The following LRRC28 variants were observed in gnomAD, a reference collection of about 807,000 sequenced individuals.
LRRC28 encodes leucine rich repeat containing 28, also known as leucine-rich repeat-containing protein 28.
LRRC28 carries 39 observed loss-of-function variants against 45.7 expected under a neutral mutation model. The ratio of observed to expected loss-of-function variants is 0.85; its 90% confidence interval spans 0.66 to 1.12. LRRC28 has a LOEUF of 1.12. Among genes scored for constraint, LRRC28 ranks in the 50% most tolerant of loss-of-function variants. LRRC28 has a pLI of 0.00. For synonymous variants in LRRC28, 206 were observed against 178.8 expected (o/e 1.15, Z -1.22); for missense variants, 435 against 438.5 (o/e 0.99, Z 0.07).
At chr15:99,378,240 C>T (rs1337998126) in intron 9 of LRRC28, among the ~76,000 whole-genome samples, 1 of 152,146 alleles carries the variant, frequency 6.6e-6, no homozygotes, top group Non-Finnish European at 1.5e-5. Context: ...TTGTAGTTCT[C>T]CTTGAAGAGG....
Position 99,389,274 on chromosome 15 carries a change from T to C in LRRC28, c.*3172T>C, listed in dbSNP as rs1257594761. 2 of 152,188 alleles carry C rather than the reference T, an allele frequency of 1.3e-5. No homozygotes were observed. The highest frequency in any genetic ancestry group is 2.9e-5 in the Non-Finnish European group (2 of 68,032). The allele number at this position is 152,188 out of a possible 1,614,324, so 9.4% of individuals were successfully genotyped here. On this transcript the variant is annotated 3_prime_UTR_variant, in exon 10 of 10. Transcript: ENST00000301981. ...TCTGTTTTACGTTGAGCATTACGAA[T>C]TAAAATCTTTACAGTCTAGGGGGAA...
chr15:99,317,085 G>A (rs192891613), intron 5 of LRRC28, among the ~76,000 whole-genome samples: 160 of 151,642 alleles, frequency 1.1e-3, no homozygotes, highest in Non-Finnish European at 1.9e-3. Flanking sequence ...TAAATGTTGC[G>A]TGTACGCAAG....
chr15:99,263,685 G>A (rs1168227843), intron 2 of LRRC28, among the ~76,000 whole-genome samples: 1 of 152,302 alleles, frequency 6.6e-6, no homozygotes, highest in East Asian at 1.9e-4. Flanking sequence ...TTCATTCTAT[G>A]TAGCAGCATT....
chr15:99,311,683 A>C (rs1955417994), intron 5 of LRRC28, among the ~76,000 whole-genome samples: 1 of 152,220 alleles, frequency 6.6e-6, no homozygotes, highest in African/African-American at 2.4e-5. Flanking sequence ...AATTTTAAAG[A>C]GTACTCTAAA....
At chr15:99,367,582 A>T (rs1396133861) in intron 9 of LRRC28, among the ~76,000 whole-genome samples, 1 of 152,180 alleles carries the variant, frequency 6.6e-6, no homozygotes, top group Admixed American at 6.6e-5. Flanking sequence ...TAATATTGTC[A>T]TATTGGCAAT....
chr15:99,253,826 T>C lies in LRRC28; in HGVS notation c.-60-2072T>C, dbSNP rs114999792. Among the ~76,000 whole-genome samples, 1,221 of 152,106 alleles carry C rather than the reference T, an allele frequency of 8.0e-3. 16 individuals carry two copies. Among genetic ancestry groups the C allele is most frequent in the African/African-American group, 0.028 (1,161 of 41,480 alleles). The stretch of plus-strand genomic sequence containing the variant: ...TTGTGGTTTTGGCAGATGGAGAGAT[T>C]TGGATGGATTTGAGATGTATTTGGG... On this transcript the variant is annotated intron_variant, in intron 1 of 9. Transcript: ENST00000301981.
chr15:99,375,819 T>C (rs1320560090), intron 9 of LRRC28, among the ~76,000 whole-genome samples: 2 of 152,114 alleles, frequency 1.3e-5, no homozygotes, highest in Non-Finnish European at 2.9e-5. Context: ...TATCACCTCC[T>C]TCATTTTTAA....
rs146119826 is a variant in LRRC28 at position 99,295,967 on chromosome 15, A to T, written c.385+8016A>T. Among the ~76,000 whole-genome samples the T allele has an allele frequency of 5.3e-5, 8 of 152,290 alleles. No individual in the cohort carries two copies. In the East Asian group the frequency reaches 1.2e-3, roughly 22 times the overall value. ...CCTTTCTTAGGTCTGTCCCATTGCCACCTGAATTGTTGTGAAACCTCTGTG... is the reference window on the plus strand; with the variant it reads ...CCTTTCTTAGGTCTGTCCCATTGCCTCCTGAATTGTTGTGAAACCTCTGTG... On this transcript the variant is annotated intron_variant, in intron 5 of 9. Coordinates refer to ENST00000301981, the MANE Select transcript of LRRC28 (RefSeq NM_144598.5).
chr15:99,345,703 T>C (rs976700197), intron 6 of LRRC28, among the ~76,000 whole-genome samples: 2 of 152,252 alleles, frequency 1.3e-5, no homozygotes, highest in Non-Finnish European at 2.9e-5. Context: ...TGTCCATGCA[T>C]GTTTACTTAA....
At chr15:99,273,542 T>G (rs2081540526) in intron 2 of LRRC28, among the ~76,000 whole-genome samples, 1 of 125,870 alleles carries the variant, frequency 7.9e-6, no homozygotes, top group African/African-American at 3.2e-5. Context: ...CGGCCGTGTC[T>G]GTGTGTTTTA....
intron 3 of LRRC28, among the ~76,000 whole-genome samples, chr15:99,281,102 G>A (rs1023714974): frequency 7.3e-5 from 11 of 151,440 alleles, no homozygotes; most frequent in African/African-American, 2.2e-4. Flanking sequence ...ATCCTAGCTC[G>A]TTGCAGCCTT....
chr15:99,284,879 A>G (rs1245599163), intron 3 of LRRC28: 12 of 576,026 alleles, frequency 2.1e-5, no homozygotes, highest in Non-Finnish European at 3.7e-5. Context: ...CATATCTACC[A>G]TCACCATGGC....
At chr15:99,289,939 C>CAAAAA (rs398028517) in intron 5 of LRRC28, among the ~76,000 whole-genome samples, 3 of 49,710 alleles carry the variant, frequency 6.0e-5, no homozygotes, top group African/African-American at 8.0e-5. Flanking sequence ...GACTCCGTCT[C>CAAAAA]AAAAAAAAAA....
At chr15:99,321,073 C>G (rs1453956079) in intron 5 of LRRC28, among the ~76,000 whole-genome samples, 1 of 152,090 alleles carries the variant, frequency 6.6e-6, no homozygotes, top group African/African-American at 2.4e-5. Context: ...TTAGACTTGC[C>G]TTCAGAGTTT....
At chr15:99,297,883 CTG>C (rs1308130699) in intron 5 of LRRC28, among the ~76,000 whole-genome samples, 2 of 151,828 alleles carry the variant, frequency 1.3e-5, no homozygotes, top group Non-Finnish European at 2.9e-5. Flanking sequence ...ATAAAAATGA[CTG>C]TTGAAATTAT....
intron 5 of LRRC28, among the ~76,000 whole-genome samples, chr15:99,306,855 G>T (rs1359663647): frequency 6.6e-6 from 1 of 152,214 alleles, no homozygotes; most frequent in Non-Finnish European, 1.5e-5. Context: ...TTGAGCACGG[G>T]CTGCTTTCCT....
chr15:99,307,104 G>A (rs1955213213), intron 5 of LRRC28, among the ~76,000 whole-genome samples: 2 of 152,140 alleles, frequency 1.3e-5, no homozygotes, highest in South Asian at 4.1e-4. Flanking sequence ...TAAACACTGG[G>A]GGCAGGTAAT....
chr15:99,353,245 C>T (rs968612451), intron 7 of LRRC28, among the ~76,000 whole-genome samples: 2 of 152,176 alleles, frequency 1.3e-5, no homozygotes, highest in South Asian at 2.1e-4. Context: ...CCGGGGGCAA[C>T]CTAATCAGCA....
chr15:99,316,241 T>C lies in LRRC28; in HGVS notation c.386-17682T>C, dbSNP rs35036182. On this transcript the variant is annotated intron_variant, in intron 5 of 9. Transcript: ENST00000301981. ...GTTACTCATAAAATATAATTTGTTA[T>C]ATATACTACTTATATCTCTTAATGA... Among the ~76,000 whole-genome samples, 1,281 of 152,358 alleles carry C rather than the reference T, an allele frequency of 8.4e-3. 11 individuals are homozygous for C. The highest frequency in any genetic ancestry group is 0.012 in the Non-Finnish European group (789 of 68,032).
Sources: allele counts gnomAD v4.1 joint callset (sites outside exome capture counted in the v4.1 genomes callset), GRCh38; gene constraint gnomAD v4.1.1; transcripts MANE v1.5; gene names NCBI Gene and HGNC (gene_info 2026-07-23, HGNC 2026-07-21).